The following TLE5 variants were observed in gnomAD, a reference collection of about 807,000 sequenced individuals.
TLE5 encodes TLE family member 5, transcriptional modulator.
TLE5 carries 7 observed loss-of-function variants against 25.8 expected under a neutral mutation model. That is an observed-to-expected ratio of 0.27 (90% CI 0.15 to 0.51). The LOEUF is 0.51. TLE5 is among the 20% of genes least tolerant of loss of function. The pLI, the probability that TLE5 is intolerant of heterozygous loss-of-function variation, is 0.97. For missense variants in TLE5, 149 were observed against 250.7 expected, an observed-to-expected ratio of 0.59 and a Z score of 2.74; for synonymous variants, 132 against 110.5, an observed-to-expected ratio of 1.20 and a Z score of -1.22.
chr19:3,056,639 C>T (rs979379455), intron 3 of TLE5: 4 of 639,330 alleles, frequency 6.3e-6, no homozygotes, highest in Non-Finnish European at 1.2e-5. Flanking sequence ...GCTCCTCCCC[C>T]ACTCCATGTG....
rs769338113 is a variant in TLE5, at chr19:3,057,754, CA to C, written c.126-13del. The C allele has an allele frequency of 3.1e-5, 50 of 1,613,272 alleles. No individual in the cohort carries two copies. The highest frequency in any genetic ancestry group is 3.6e-5 in the Non-Finnish European group (43 of 1,179,860). The stretch of plus-strand genomic sequence containing the variant: ...ATTCGAGCTTGAGGCTGAGGAGGCA[CA>C]GGGGGGAGATGGGGTGGTTAGTGGC... On this transcript the variant is annotated splice_polypyrimidine_tract_variant and intron_variant, in intron 2 of 6. Transcript: ENST00000327141.
chr19:3,062,830 C>T (rs777358188), upstream of TLE5: 4 of 1,548,858 alleles, frequency 2.6e-6, no homozygotes, highest in South Asian at 2.4e-5. Flanking sequence ...GACCTTGGCT[C>T]TGGCTGGGCG....
intron 5 of TLE5, chr19:3,055,356 G>C (rs941009619): frequency 4.2e-6 from 1 of 236,560 alleles, no homozygotes; most frequent in Non-Finnish European, 8.2e-6. Flanking sequence ...GAGGAAGAGA[G>C]ATGAGAAAAA....
At chr19:3,062,565 A>AGG, upstream of TLE5, 1 of 805,866 alleles carries the variant, frequency 1.2e-6, no homozygotes, top group Non-Finnish European at 1.5e-6. Context: ...CGCGCCGCCG[A>AGG]GGGGGGGGAC....
Position 3,053,551 on chromosome 19 carries a change from C to T in TLE5, c.*268G>A, listed in dbSNP as rs1446510411. ...CTTGGGACCTGGTCTCCCATCTGAC[C>T]CTCCAGGCCTTAGCTTGCCTCACAT... On this transcript the variant is annotated 3_prime_UTR_variant, in exon 7 of 7. Transcript: ENST00000327141. 2 of 540,778 alleles carry T rather than the reference C, an allele frequency of 3.7e-6. No homozygotes were observed. The highest frequency in any genetic ancestry group is 3.1e-5 in the East Asian group (1 of 32,382). 33.5% of individuals were successfully genotyped at this position (540,778 alleles called of 1,614,324 possible). A position where few individuals can be genotyped will look rare whatever the true frequency, so the allele number is the denominator to read the frequency against.
chr19:3,059,235 A>C (rs906660887), intron 2 of TLE5, among the ~76,000 whole-genome samples: 27 of 152,240 alleles, frequency 1.8e-4, no homozygotes, highest in South Asian at 1.7e-3. Context: ...ACAAAAAAAA[A>C]CCGGGGCTGG....
At position 3,054,216 on chromosome 19, in the gene TLE5, G is replaced by C. The variant is rs975366133; in HGVS notation, c.298-22C>G. The C allele has an allele frequency of 2.5e-6, 4 of 1,604,492 alleles. No homozygotes were observed. In the African/African-American group the frequency reaches 4.0e-5, roughly 16 times the overall value. On this transcript the variant is annotated intron_variant, in intron 5 of 6. Transcript: ENST00000327141. The stretch of plus-strand genomic sequence containing the variant: ...GGTGCTGGAAGGGGGTCGGGGGAGA[G>C]GAGAGGCAGTGATTCCTCCTGATCC...
rs531208398 is a variant in TLE5 at position 3,053,272 on chromosome 19, C to G, written c.*547G>C. On this transcript the variant is annotated 3_prime_UTR_variant, in exon 7 of 7. Coordinates refer to ENST00000327141, the MANE Select transcript of TLE5 (RefSeq NM_001130.6). ...TCCCTCGTGCCCCCCCTTTTGTGGG[C>G]GATGGGAGAGGACCAGGTGGGCGTG... is the stretch of plus-strand genomic sequence containing the variant. 9.8e-5 allele frequency: 15 copies of G among 153,598 alleles called. No individual in the cohort carries two copies. Among genetic ancestry groups the G allele is most frequent in the African/African-American group, 3.6e-4 (15 of 41,370 alleles). The allele number at this position is 153,598 out of a possible 1,614,324, so 9.5% of individuals were successfully genotyped here. A position where few individuals can be genotyped will look rare whatever the true frequency, so the allele number is the denominator to read the frequency against.
At chr19:3,062,138 C>T (rs1029178728) in intron 1 of TLE5, 36 bp downstream of exon 1, 1 of 820,132 alleles carries the variant, frequency 1.2e-6, no homozygotes, top group Non-Finnish European at 1.4e-6. Context: ...GGCCCGGATC[C>T]GGGGTGGGGG....
chr19:3,061,302 A>G, intron 1 of TLE5, 45 bp from the exon 2 acceptor site: 1 of 1,511,788 alleles, frequency 6.6e-7, no homozygotes, highest in Non-Finnish European at 9.2e-7. Flanking sequence ...CGTGGGCTGG[A>G]CCCCCCTCAA....
At chr19:3,055,456 G>GC (rs1568263390) in intron 5 of TLE5, 17 of 392,832 alleles carry the variant, frequency 4.3e-5, no homozygotes, top group African/African-American at 2.1e-5. Flanking sequence ...GGTGAGGCCC[G>GC]CCCCCCACAC....
chr19:3,057,505 C>T, intron 3 of TLE5, 174 bp downstream of exon 3: 3 of 640,520 alleles, frequency 4.7e-6, no homozygotes, highest in Non-Finnish European at 8.0e-6. Context: ...ATCTGCCAGG[C>T]TAGCGAGGCA....
chr19:3,062,535 GC>G (rs1351649753), upstream of TLE5: 1 of 695,750 alleles, frequency 1.4e-6, no homozygotes, highest in Admixed American at 6.5e-5. Context: ...GGCTCCACCT[GC>G]CGCCGCCCGT....
intron 3 of TLE5, among the ~76,000 whole-genome samples, chr19:3,057,199 T>C (rs1264057101): frequency 8.5e-5 from 13 of 152,166 alleles, no homozygotes; most frequent in Admixed American, 7.9e-4. Flanking sequence ...ACCGAGCAAG[T>C]GGTTCTGGCA....
chr19:3,054,235 C>T (rs756944223), intron 5 of TLE5, 41 bp from the exon 6 acceptor site: 14 of 1,588,684 alleles, frequency 8.8e-6, no homozygotes, highest in African/African-American at 1.3e-5. Flanking sequence ...GTGATTCCTC[C>T]TGATCCTGGG....
intron 2 of TLE5, among the ~76,000 whole-genome samples, chr19:3,058,683 G>C (rs1361807421): frequency 6.6e-6 from 1 of 152,218 alleles, no homozygotes; most frequent in Non-Finnish European, 1.5e-5. Flanking sequence ...ATGAGCTGTG[G>C]GGCGTTTCTC....
At chr19:3,062,708 C>G (rs764383073), upstream of TLE5, 1 of 1,514,450 alleles carries the variant, frequency 6.6e-7, no homozygotes, top group South Asian at 1.2e-5. Context: ...ACCCGGCAGC[C>G]GGCCGGGCCT....
At chr19:3,055,600 G>C in intron 5 of TLE5, 64 bp downstream of exon 5, 2 of 1,459,912 alleles carry the variant, frequency 1.4e-6, no homozygotes, top group Non-Finnish European at 1.8e-6. Flanking sequence ...GATGGCTGCA[G>C]TGGACAGGGG....
chr19:3,057,563 TCG>T, intron 3 of TLE5, 114 bp downstream of exon 3: 1 of 990,868 alleles, frequency 1.0e-6, no homozygotes, highest in Non-Finnish European at 1.6e-6. Flanking sequence ...GCCCCGATCC[TCG>T]CGCTTCCCAG....
Sources: allele counts gnomAD v4.1 joint callset (sites outside exome capture counted in the v4.1 genomes callset), GRCh38; gene constraint gnomAD v4.1.1; transcripts MANE v1.5; gene names NCBI Gene and HGNC (gene_info 2026-07-23, HGNC 2026-07-21).